Variants in TNIP2 observed in about 807,000 individuals in gnomAD.
The protein encoded by TNIP2 is TNFAIP3 interacting protein 2.
Under a neutral mutation model 43.7 loss-of-function variants are expected in TNIP2, and 30 were observed. The ratio of observed to expected loss-of-function variants is 0.69; its 90% CI spans 0.51 to 0.93. The LOEUF is 0.93. TNIP2 is among the 40% of genes least tolerant of loss of function. The probability of loss-of-function intolerance (pLI) is 0.00; values close to 1 mark genes in which losing one functional copy is unlikely to be tolerated. For synonymous variants in TNIP2, 260 were observed against 254.6 expected, an observed-to-expected ratio of 1.02 and a Z score of -0.20; for missense variants, 599 against 591.0, an observed-to-expected ratio of 1.01 and a Z score of -0.14.
chr4:2,745,503 CTGGACAGAGGTG>C lies in TNIP2; in HGVS notation c.588_599del (p.His196_Val199del), dbSNP rs1340368928. ...CTTCCTGCAACTTCTCAATAACACT[CTGGACAGAGGTG>C]TGCCCATCTGTGTGTTCCGACTGCA... On this transcript the variant is annotated inframe_deletion, in exon 3 of 6. Transcript: ENST00000315423. 1 of 1,613,966 alleles carries C rather than the reference CTGGACAGAGGTG, an allele frequency of 6.2e-7. No individual in the cohort carries two copies. Among genetic ancestry groups the C allele is most frequent in the Admixed American group, 1.7e-5 (1 of 60,002 alleles).
intron 1 of TNIP2, 103 bp downstream of exon 1, chr4:2,755,911 T>A: frequency 8.2e-7 from 1 of 1,223,554 alleles, no homozygotes; most frequent in Non-Finnish European, 1.0e-6. Context: ...CAGTACCCCC[T>A]CAACCCCTCA....
chr4:2,747,904 CCT>C lies in TNIP2; in HGVS notation c.316_317del (p.Arg106GlyfsTer35), dbSNP rs1721996804. ...GCTGGCTCAGCAGCTGCTGCATCTCCCTCTCTTTTTCTTCTAGTCGCTCAGTC... is the reference window on the plus strand; with the variant it reads ...GCTGGCTCAGCAGCTGCTGCATCTCCCTCTTTTTCTTCTAGTCGCTCAGTC... ...RLTERLEEKE[R>X]EMQQLLSQPQ... On this transcript the variant is annotated frameshift_variant, in exon 2 of 6. Coordinates refer to ENST00000315423, the MANE Select transcript of TNIP2 (RefSeq NM_024309.4). LOFTEE classifies it high-confidence loss of function. 4 of 1,613,554 alleles carry C rather than the reference CCT, an allele frequency of 2.5e-6. No individual in the cohort carries two copies. The highest frequency in any genetic ancestry group is 3.4e-6 in the Non-Finnish European group (4 of 1,180,022).
chr4:2,747,909 C>T lies in TNIP2; in HGVS notation c.313G>A (p.Glu105Lys), dbSNP rs531515570. Residue 105 changes from glutamate (E) to lysine (K), a missense_variant, in exon 2 of 6, where the codon GAG (glutamate) becomes AAG (lysine). Physicochemically the swap from Glu to Lys is moderately conservative, Grantham distance 56. Transcript: ENST00000315423. Reference protein sequence around the residue: ...ERLTERLEEKEREMQQLLSQP... With the variant: ...ERLTERLEEKKREMQQLLSQP... Reference sequence around the variant, plus strand: ...CTCAGCAGCTGCTGCATCTCCCTCTCTTTTTCTTCTAGTCGCTCAGTCAGC... The same window carrying T: ...CTCAGCAGCTGCTGCATCTCCCTCTTTTTTTCTTCTAGTCGCTCAGTCAGC... 12 of 1,613,450 alleles carry T rather than the reference C, an allele frequency of 7.4e-6. No homozygotes were observed. In the South Asian group the frequency reaches 1.3e-4, roughly 18 times the overall value.
intron 1 of TNIP2, among the ~76,000 whole-genome samples, chr4:2,749,166 G>A (rs369797439): frequency 1.9e-4 from 29 of 152,064 alleles, no homozygotes; most frequent in African/African-American, 7.0e-4. Context: ...TGAGGGTTTC[G>A]CTATATATAG....
chr4:2,755,066 T>C (rs1295591155), intron 1 of TNIP2, among the ~76,000 whole-genome samples: 1 of 152,112 alleles, frequency 6.6e-6, no homozygotes, highest in African/African-American at 2.4e-5. Flanking sequence ...CATTTGCCAT[T>C]GCTCCCAGCA....
chr4:2,749,528 C>T (rs1243259051), intron 1 of TNIP2, among the ~76,000 whole-genome samples: 1 of 152,170 alleles, frequency 6.6e-6, no homozygotes, highest in Admixed American at 6.5e-5. Flanking sequence ...AAGACGACCA[C>T]GTGACAACAA....
chr4:2,747,519 C>T, intron 2 of TNIP2, 136 bp downstream of exon 2: 1 of 859,734 alleles, frequency 1.2e-6, no homozygotes. Context: ...GTGAGCTTTG[C>T]CCCGTCAGCT....
intron 1 of TNIP2, 190 bp downstream of exon 1, chr4:2,755,824 C>G (rs1488245518): frequency 3.8e-6 from 3 of 790,808 alleles, no homozygotes; most frequent in Non-Finnish European, 5.3e-6. Flanking sequence ...ACCCCCAGGA[C>G]CCGGCACCCC....
Position 2,744,805 on chromosome 4 carries a change from T to C in TNIP2, c.798A>G (p.Arg266=), listed in dbSNP as rs1413841808. The C allele has an allele frequency of 1.2e-6, 2 of 1,613,428 alleles. No individual in the cohort carries two copies. The highest frequency in any genetic ancestry group is 4.5e-5 in the East Asian group (2 of 44,900). The change falls in exon 4 of 6, where the codon AGA becomes AGG. Residue 266 remains arginine (R), a synonymous_variant. Coordinates refer to ENST00000315423, the MANE Select transcript of TNIP2 (RefSeq NM_024309.4). This position sits in a 1 kb window ranked among gnomAD's most constrained non-coding sequence, Gnocchi z 5.1. ...LMRKEISRLN[R]QLEEKINDCA... ...AGTCATTTATTTTCTCTTCCAACTGTCTGTTGAGCCGGGAGATCTCCTTCC... is the reference window on the plus strand; with the variant it reads ...AGTCATTTATTTTCTCTTCCAACTGCCTGTTGAGCCGGGAGATCTCCTTCC...
At chr4:2,743,734 G>A (rs927761992) in intron 5 of TNIP2, among the ~76,000 whole-genome samples, 8 of 152,226 alleles carry the variant, frequency 5.3e-5, no homozygotes, top group Admixed American at 1.3e-4. Context: ...GTGGGGCCCA[G>A]GCTATTCCCA....
chr4:2,754,448 G>A lies in TNIP2; in HGVS notation c.276+1566C>T, dbSNP rs947831739. 2.6e-5 allele frequency among the ~76,000 whole-genome samples: 4 copies of A among 152,214 alleles called. No individual in the cohort carries two copies. The East Asian group carries it at 7.7e-4, about 29-fold the overall frequency. Reference sequence around the variant, plus strand: ...TTGTTTGTTTTTGAGACGGAGTCTCGCTCTGTCGCCCAGGCTGGAGTGCAG... The same window carrying A: ...TTGTTTGTTTTTGAGACGGAGTCTCACTCTGTCGCCCAGGCTGGAGTGCAG... On this transcript the variant is annotated intron_variant, in intron 1 of 5. Coordinates refer to ENST00000315423, the MANE Select transcript of TNIP2 (RefSeq NM_024309.4).
chr4:2,743,888 C>T (rs1194667390), intron 5 of TNIP2, among the ~76,000 whole-genome samples: 1 of 152,198 alleles, frequency 6.6e-6, no homozygotes, highest in African/African-American at 2.4e-5. Context: ...GCCAGGCCTC[C>T]CTCAAGGCAC....
chr4:2,748,623 G>A lies in TNIP2; in HGVS notation c.277-678C>T, dbSNP rs58303793. On this transcript the variant is annotated intron_variant, in intron 1 of 5. Transcript: ENST00000315423. ...TCCGCCCACCTCAGCCTCCCAAAGTGCTGGGATTACAGGCGTGAGCCACCA... is the reference window on the plus strand; with the variant it reads ...TCCGCCCACCTCAGCCTCCCAAAGTACTGGGATTACAGGCGTGAGCCACCA... Among the ~76,000 whole-genome samples, 825 of 134,454 alleles carry A rather than the reference G, an allele frequency of 6.1e-3. 26 individuals carry two copies. The highest frequency in any genetic ancestry group is 0.026 in the African/African-American group (785 of 30,494). The allele number at this position is 134,454 out of a possible 152,430, so 88.2% of individuals were successfully genotyped here. A position where few individuals can be genotyped will look rare whatever the true frequency, so the allele number is the denominator to read the frequency against.
intron 1 of TNIP2, among the ~76,000 whole-genome samples, chr4:2,749,513 G>C (rs1722048510): frequency 6.7e-6 from 1 of 149,224 alleles, no homozygotes; most frequent in Admixed American, 6.7e-5. Flanking sequence ...CAGACACACA[G>C]AGAGAAGACG....
chr4:2,754,829 G>C (rs1351032164), intron 1 of TNIP2, among the ~76,000 whole-genome samples: 1 of 152,240 alleles, frequency 6.6e-6, no homozygotes, highest in Non-Finnish European at 1.5e-5. Flanking sequence ...AGGCTCAAGT[G>C]ATCCTCCCAC....
chr4:2,746,405 T>C (rs759082054), intron 2 of TNIP2, among the ~76,000 whole-genome samples: 31 of 152,048 alleles, frequency 2.0e-4, no homozygotes, highest in Non-Finnish European at 5.9e-5. Context: ...CGCCTCAGGC[T>C]CAACACTGTG....
chr4:2,753,768 A>G lies in TNIP2; in HGVS notation c.276+2246T>C, dbSNP rs188781162. Among the ~76,000 whole-genome samples the G allele has an allele frequency of 3.6e-3, 541 of 152,316 alleles. 5 individuals are homozygous for G. The highest frequency in any genetic ancestry group is 3.1e-3 in the Non-Finnish European group (214 of 68,016). On this transcript the variant is annotated intron_variant, in intron 1 of 5. Transcript: ENST00000315423. ...TGTGGCTCCTGGCATCCACAACTCT[A>G]AAACCTGTTGGTGCAGACCAGGTGA...
At chr4:2,753,494 G>C (rs1181866248) in intron 1 of TNIP2, among the ~76,000 whole-genome samples, 1 of 152,098 alleles carries the variant, frequency 6.6e-6, no homozygotes, top group African/African-American at 2.4e-5. Flanking sequence ...TACATGTTGG[G>C]AAGACAGGAC....
intron 1 of TNIP2, among the ~76,000 whole-genome samples, chr4:2,750,865 CAG>C (rs1158099672): frequency 6.6e-6 from 1 of 152,152 alleles, no homozygotes; most frequent in Non-Finnish European, 1.5e-5. Context: ...GCTCCACAAA[CAG>C]GAGGGCAGCA....
Sources: allele counts gnomAD v4.1 joint callset (sites outside exome capture counted in the v4.1 genomes callset), GRCh38; gene constraint gnomAD v4.1.1; non-coding constraint Gnocchi (gnomAD v3.1); transcripts MANE v1.5; gene names NCBI Gene and HGNC (gene_info 2026-07-23, HGNC 2026-07-21).